Variants in UNC5C observed in about 807,000 individuals in gnomAD.
UNC5C encodes netrin receptor UNC5C.
In UNC5C, 47 loss-of-function variants were observed where a neutral mutation model predicts 99.8. The observed-to-expected ratio is 0.47, with a 90% CI of 0.37 to 0.60. UNC5C has a LOEUF of 0.60. Ranked by LOEUF, UNC5C falls within the 20% of genes least tolerant of loss-of-function variation. UNC5C has a pLI of 0.00. For missense variants in UNC5C, 1,062 were observed against 1,165.9 expected, an observed-to-expected ratio of 0.91 and a Z score of 1.30; for synonymous variants, 487 against 452.2, an observed-to-expected ratio of 1.08 and a Z score of -0.98.
At chr4:95,446,004 TG>T (rs548670406) in intron 1 of UNC5C, among the ~76,000 whole-genome samples, 13 of 151,140 alleles carry the variant, frequency 8.6e-5, no homozygotes, top group South Asian at 4.2e-4. Flanking sequence ...AAAAACAACG[TG>T]GGGGGGTGGA....
At chr4:95,244,926 T>C (rs1182252593) in intron 6 of UNC5C, 51 bp downstream of exon 6, 1 of 1,603,236 alleles carries the variant, frequency 6.2e-7, no homozygotes, top group Admixed American at 1.7e-5. Flanking sequence ...TCTAAAAGCA[T>C]GTTTCTTGAA....
intron 2 of UNC5C, among the ~76,000 whole-genome samples, chr4:95,334,734 T>C (rs564050144): frequency 6.6e-6 from 1 of 152,012 alleles, no homozygotes; most frequent in East Asian, 1.9e-4. Flanking sequence ...TTAAGGATGG[T>C]ATTTACAGAG....
At chr4:95,460,670 G>A (rs564822011) in intron 1 of UNC5C, among the ~76,000 whole-genome samples, 171 of 152,262 alleles carry the variant, frequency 1.1e-3, no homozygotes, top group African/African-American at 3.8e-3. Context: ...TCCATTAAAC[G>A]TCTTTTTCTT....
intron 1 of UNC5C, among the ~76,000 whole-genome samples, chr4:95,522,461 G>A (rs1331227535): frequency 6.6e-6 from 1 of 151,966 alleles, no homozygotes; most frequent in African/African-American, 2.4e-5. Context: ...GAAGAGGTTT[G>A]GGAGGAAGAG....
intron 1 of UNC5C, among the ~76,000 whole-genome samples, chr4:95,474,127 AT>A (rs1321738668): frequency 1.3e-5 from 2 of 151,734 alleles, no homozygotes; most frequent in African/African-American, 4.8e-5. Flanking sequence ...CATTAGTATT[AT>A]TTTTTCCCAT....
At chr4:95,349,322 G>GGTGT (rs151051852) in intron 1 of UNC5C, among the ~76,000 whole-genome samples, 4,975 of 120,458 alleles carry the variant, frequency 0.041, 138 homozygotes, top group Non-Finnish European at 0.06. Context: ...AGAGAGAAAG[G>GGTGT]GTGTGTGTGT....
chr4:95,447,479 C>A (rs1316490947), intron 1 of UNC5C, among the ~76,000 whole-genome samples: 1 of 152,030 alleles, frequency 6.6e-6, no homozygotes, highest in African/African-American at 2.4e-5. Flanking sequence ...AAAAGTCAGG[C>A]CTGCCTAATT....
In UNC5C at chr4:95,234,381, C is replaced by CTTTTT. The variant is rs35325293; in HGVS notation, c.1108+8043_1108+8047dup. ...GCAACAAACACGCCAAATCGCTTACCTTTTTTTTATTATACTTTAAGTTTT... is the reference window on the plus strand; with the variant it reads ...GCAACAAACACGCCAAATCGCTTACCTTTTTTTTTTTTTATTATACTTTAAGTTTT... On this transcript the variant is annotated intron_variant, in intron 7 of 15. Transcript: ENST00000453304. Among the ~76,000 whole-genome samples the CTTTTT allele has an allele frequency of 9.6e-3, 1,451 of 150,512 alleles. 14 individuals carry two copies. The highest frequency in any genetic ancestry group is 0.022 in the African/African-American group (887 of 41,050).
chr4:95,299,505 A>C (rs1741792552), intron 3 of UNC5C, among the ~76,000 whole-genome samples: 1 of 152,208 alleles, frequency 6.6e-6, no homozygotes, highest in Non-Finnish European at 1.5e-5. Flanking sequence ...AATGTGAAGC[A>C]GGAATGGAGG....
rs543087206 is a variant in UNC5C at position 95,222,491 on chromosome 4, C to T, written c.1109-2315G>A. Among the ~76,000 whole-genome samples the T allele has an allele frequency of 3.5e-4, 53 of 152,158 alleles. No homozygotes were observed. In the South Asian group the frequency reaches 4.4e-3, roughly 13 times the overall value. ...TGAATTTTAGAGCAAAAACTGGTCT[C>T]GAGTCACTAACTTTGGAGTGCTTAA... On this transcript the variant is annotated intron_variant, in intron 7 of 15. Transcript: ENST00000453304.
rs528867915 is a variant in UNC5C at position 95,322,230 on chromosome 4, G to A, written c.346+13180C>T. ...ACTGAATTTAAAATGATTACATGGA[G>A]AATAACAATTGGTGTGATAGGTATA... is the stretch of plus-strand genomic sequence containing the variant. On this transcript the variant is annotated intron_variant, in intron 2 of 15. Transcript: ENST00000453304. Among the ~76,000 whole-genome samples, 4 of 152,306 alleles carry A rather than the reference G, an allele frequency of 2.6e-5. No individual in the cohort carries two copies. In the South Asian group the frequency reaches 6.2e-4, roughly 24 times the overall value.
intron 7 of UNC5C, chr4:95,222,211 A>G (rs1579243733): frequency 6.7e-7 from 1 of 1,500,006 alleles, no homozygotes; most frequent in East Asian, 2.5e-5. Flanking sequence ...CAAACTTACA[A>G]GAAAATCCAT....
At chr4:95,269,499 G>A (rs1316866582) in intron 4 of UNC5C, among the ~76,000 whole-genome samples, 1 of 151,870 alleles carries the variant, frequency 6.6e-6, no homozygotes, top group Non-Finnish European at 1.5e-5. Context: ...CATTGCCCAG[G>A]CTGGTCTTGA....
chr4:95,445,850 T>C (rs971266801), intron 1 of UNC5C, among the ~76,000 whole-genome samples: 2 of 152,134 alleles, frequency 1.3e-5, no homozygotes, highest in Non-Finnish European at 2.9e-5. Flanking sequence ...TGTTCAGTGC[T>C]GGAGCGGAGG....
At chr4:95,311,314 A>C (rs1236292125) in intron 2 of UNC5C, among the ~76,000 whole-genome samples, 2 of 152,192 alleles carry the variant, frequency 1.3e-5, no homozygotes, top group Admixed American at 6.6e-5. Flanking sequence ...AATTTTGTGA[A>C]TACATGACAG....
intron 12 of UNC5C, among the ~76,000 whole-genome samples, chr4:95,185,871 T>G (rs1313970181): frequency 2.0e-5 from 3 of 152,200 alleles, no homozygotes; most frequent in Admixed American, 6.5e-5. Flanking sequence ...CACCAAATAT[T>G]GAACTAAACA....
At chr4:95,267,576 G>T (rs1286687546) in intron 4 of UNC5C, among the ~76,000 whole-genome samples, 1 of 152,164 alleles carries the variant, frequency 6.6e-6, no homozygotes, top group East Asian at 1.9e-4. Flanking sequence ...TCGGCAGAAG[G>T]TATAGACTTT....
chr4:95,400,608 G>A (rs540306404), intron 1 of UNC5C, among the ~76,000 whole-genome samples: 1 of 152,200 alleles, frequency 6.6e-6, no homozygotes, highest in Admixed American at 6.5e-5. Context: ...AGCCAGGATG[G>A]TCTCAATCTC....
intron 1 of UNC5C, among the ~76,000 whole-genome samples, chr4:95,461,320 G>A (rs1286771375): frequency 1.0e-5 from 1 of 97,426 alleles, no homozygotes; most frequent in Non-Finnish European, 2.0e-5. Flanking sequence ...CAAGGCAAGA[G>A]CAAGTTGAAT....
Sources: gnomAD v4.1 joint callset for allele counts (sites outside exome capture counted in the v4.1 genomes callset) on GRCh38, gnomAD v4.1.1 for gene constraint, MANE v1.5 for transcripts, NCBI Gene and HGNC (gene_info 2026-07-23, HGNC 2026-07-21) for gene names.